The following ROGDI variants were observed in gnomAD, a reference collection of about 807,000 sequenced individuals.
ROGDI encodes protein rogdi homolog.
A neutral mutation model predicts 43.1 loss-of-function variants in ROGDI; 46 were observed. The observed-to-expected ratio is 1.07, with a 90% CI of 0.84 to 1.37. The LOEUF (loss-of-function observed/expected upper bound fraction) is 1.37. Ranked by LOEUF, ROGDI falls within the 40% of genes most tolerant of loss-of-function variation. ROGDI has a pLI of 0.00. For synonymous variants in ROGDI, 243 were observed against 162.0 expected, an observed-to-expected ratio of 1.50 and a Z score of -3.80; for missense variants, 518 against 383.9, an observed-to-expected ratio of 1.35 and a Z score of -2.92.
At chr16:4,801,707 C>T (rs1342149823) in intron 2 of ROGDI, 122 bp from the exon 3 acceptor site, 1 of 926,480 alleles carries the variant, frequency 1.1e-6, no homozygotes, top group Non-Finnish European at 1.7e-6. Flanking sequence ...CCTGGCCTCA[C>T]CTGGGTTCAG....
At chr16:4,801,760 C>T (rs2082725344) in intron 2 of ROGDI, 175 bp from the exon 3 acceptor site, 2 of 622,146 alleles carry the variant, frequency 3.2e-6, no homozygotes, top group Admixed American at 2.6e-5. Flanking sequence ...GGCACCTAAC[C>T]GTGAGCCCGA....
At position 4,801,273 on chromosome 16, in the gene ROGDI, G is replaced by A. The variant is rs769659198; in HGVS notation, c.249C>T (p.Ser83=). ...GVLTLQGDAL[S]QADVNLKMPR... Reference sequence around the variant, plus strand: ...ACAGGGCCGGGGGACTCACCGCCTGGCTGAGGGCATCCCCCTGCAGAGTCA... The same window carrying A: ...ACAGGGCCGGGGGACTCACCGCCTGACTGAGGGCATCCCCCTGCAGAGTCA... Residue 83 remains serine, a synonymous_variant, in exon 4 of 11, where the codon AGC becomes AGT. Coordinates refer to ENST00000322048, the MANE Select transcript of ROGDI (RefSeq NM_024589.3). 4 of 1,606,618 alleles carry A rather than the reference G, an allele frequency of 2.5e-6. No homozygotes were observed. In the Admixed American group the frequency reaches 6.7e-5, roughly 27 times the overall value.
At chr16:4,801,817 CGG>C (rs1046130276) in intron 2 of ROGDI, 2 of 596,430 alleles carry the variant, frequency 3.4e-6, no homozygotes, top group African/African-American at 3.7e-5. Context: ...GTGCCCGCCT[CGG>C]GGAATACAAA....
Position 4,798,626 on chromosome 16 carries a change from G to C in ROGDI, c.474C>G (p.Asn158Lys). 1 of 1,574,624 alleles carries C rather than the reference G, an allele frequency of 6.4e-7. No individual in the cohort carries two copies. ...TGAGGGTGGCGGGGGTGGTGAGCCG[G>C]TTTCGGGCTCTGGTCAGCTGCAGCA... ...AVMLQLTRAR[N>K]RLTTPATLTL... Residue 158 changes from asparagine (N) to lysine (K), a missense_variant, in exon 7 of 11, where the codon AAC becomes AAG. Asn to Lys is a moderately conservative substitution (Grantham distance 94). Transcript: ENST00000322048.
chr16:4,797,616 T>A, intron 10 of ROGDI, 98 bp downstream of exon 10: 1 of 524,048 alleles, frequency 1.9e-6, no homozygotes, highest in Non-Finnish European at 2.6e-6. Context: ...CTCGCAGTGC[T>A]GTGGGGTACA....
chr16:4,797,733 C>T lies in ROGDI; in HGVS notation c.803G>A (p.Cys268Tyr), dbSNP rs2082669134. 1 of 1,360,276 alleles carries T rather than the reference C, an allele frequency of 7.4e-7. No homozygotes were observed. Among genetic ancestry groups the T allele is most frequent in the Non-Finnish European group, 9.6e-7 (1 of 1,040,226 alleles). The allele number at this position is 1,360,276 out of a possible 1,614,324, so 84.3% of individuals were successfully genotyped here. A position where few individuals can be genotyped will look rare whatever the true frequency, so the allele number is the denominator to read the frequency against. The stretch of plus-strand genomic sequence containing the variant: ...GCCCACCTTGTCCTTGAGCTGCTGG[C>T]AGAGCTGCAGGGAGACGGTGAAGTA... Reference protein sequence around the residue: ...LVYFTVSLQLCQQLKDKISVF... With the variant: ...LVYFTVSLQLYQQLKDKISVF... Residue 268 changes from cysteine (C) to tyrosine (Y), a missense_variant, in exon 10 of 11, where the codon TGC (cysteine) becomes TAC (tyrosine). Cys to Tyr is a radical substitution (Grantham distance 194). Transcript: ENST00000322048.
At chr16:4,799,588 C>T (rs1225018009) in intron 6 of ROGDI, 98 bp downstream of exon 6, 4 of 841,100 alleles carry the variant, frequency 4.8e-6, no homozygotes, top group Non-Finnish European at 5.7e-6. Flanking sequence ...TTACAGGTTG[C>T]ACAGCTCAAC....
intron 9 of ROGDI, 27 bp downstream of exon 9, chr16:4,797,911 C>G: frequency 6.3e-7 from 1 of 1,599,942 alleles, no homozygotes. Context: ...GTGGGCGTGC[C>G]TGGACCCCCC....
intron 3 of ROGDI, 44 bp downstream of exon 3, chr16:4,801,459 C>G (rs561843482): frequency 2.3e-5 from 37 of 1,579,398 alleles, no homozygotes; most frequent in African/African-American, 1.7e-4. Flanking sequence ...CCTCCTACCC[C>G]CCAAGGTACC....
chr16:4,798,299 T>C, intron 7 of ROGDI, 115 bp from the exon 8 acceptor site: 1 of 886,356 alleles, frequency 1.1e-6, no homozygotes, highest in East Asian at 2.6e-5. Context: ...ACCCCAGAGA[T>C]GCTCTTCTCA....
rs752895075 is a variant in ROGDI at position 4,797,767 on chromosome 16, C to A, written c.769G>T (p.Ala257Ser). 3.1e-6 allele frequency: 5 copies of A among 1,611,302 alleles called. No individual in the cohort carries two copies. In the African/African-American group the frequency reaches 4.1e-5, roughly 13 times the overall value. Residue 257 changes from alanine to serine, a missense_variant, in exon 10 of 11, where the codon GCC becomes TCC. By Grantham distance (99) the Ala-to-Ser change is moderately conservative. Coordinates refer to ENST00000322048, the MANE Select transcript of ROGDI (RefSeq NM_024589.3). Reference protein sequence around the residue: ...VECVIPWLNDALVYFTVSLQL... With the variant: ...VECVIPWLNDSLVYFTVSLQL... ...AGGGAGACGGTGAAGTAGACCAGGG[C>A]GTCGTTGAGCCAGGGGATCACGCAC...
Position 4,798,195 on chromosome 16 carries a change from C to G in ROGDI, c.532-11G>C. 1 of 1,609,622 alleles carries G rather than the reference C, an allele frequency of 6.2e-7. No homozygotes were observed. Among genetic ancestry groups the G allele is most frequent in the Non-Finnish European group, 8.5e-7 (1 of 1,177,468 alleles). ...AGGGGCGAACATCCGCTGCGGGAGGCAGGTGGGATGAGGCCCTCGCAAGCC... is the reference window on the plus strand; with the variant it reads ...AGGGGCGAACATCCGCTGCGGGAGGGAGGTGGGATGAGGCCCTCGCAAGCC... On this transcript the variant is annotated splice_polypyrimidine_tract_variant and intron_variant, in intron 7 of 10. Transcript: ENST00000322048.
At chr16:4,797,873 C>A in intron 9 of ROGDI, 33 bp from the exon 10 acceptor site, 1 of 1,608,138 alleles carries the variant, frequency 6.2e-7, no homozygotes. Flanking sequence ...TGAGGAGGGT[C>A]CCGGCCCTCC....
Position 4,801,294 on chromosome 16 carries a change from A to G in ROGDI, c.228T>C (p.Thr76=), listed in dbSNP as rs141981654. 5 of 1,609,110 alleles carry G rather than the reference A, an allele frequency of 3.1e-6. No homozygotes were observed. The highest frequency in any genetic ancestry group is 8.5e-7 in the Non-Finnish European group (1 of 1,176,650). The change falls in exon 4 of 11, where the codon ACT becomes ACC. Residue 76 remains threonine (T), a synonymous_variant. Coordinates refer to ENST00000322048, the MANE Select transcript of ROGDI (RefSeq NM_024589.3). ...CCTGGCTGAGGGCATCCCCCTGCAGAGTCAGCACACCCTTCACCTGGTCTG... is the reference window on the plus strand; with the variant it reads ...CCTGGCTGAGGGCATCCCCCTGCAGGGTCAGCACACCCTTCACCTGGTCTG... ...CGTDQVKGVL[T]LQGDALSQAD...
intron 6 of ROGDI, 65 bp from the exon 7 acceptor site, chr16:4,798,732 C>T (rs1372472809): frequency 7.6e-7 from 1 of 1,323,536 alleles, no homozygotes; most frequent in East Asian, 2.5e-5. Context: ...GAACAACAGA[C>T]ATGGTAGCTC....
At chr16:4,802,098 C>A (rs766413533) in intron 2 of ROGDI, 1 of 638,500 alleles carries the variant, frequency 1.6e-6, no homozygotes, top group East Asian at 3.2e-5. Flanking sequence ...CAGAATTCTT[C>A]GGCTCCCAGA....
intron 10 of ROGDI, 97 bp from the exon 11 acceptor site, chr16:4,797,598 A>G (rs1262401965): frequency 3.9e-6 from 2 of 512,642 alleles, no homozygotes; most frequent in Non-Finnish European, 5.3e-6. Flanking sequence ...AGGACAGGGC[A>G]TTGCTGCCTC....
At chr16:4,797,585 G>A in intron 10 of ROGDI, 84 bp from the exon 11 acceptor site, 1 of 576,892 alleles carries the variant, frequency 1.7e-6, no homozygotes, top group Non-Finnish European at 2.3e-6. Flanking sequence ...AGGACAATAT[G>A]TCAGGACAGG....
In ROGDI at chr16:4,797,796, A is replaced by G; in HGVS notation, c.740T>C (p.Val247Ala). Residue 247 changes from valine to alanine, a missense_variant, in exon 10 of 11, where the codon GTG becomes GCG. Coordinates refer to ENST00000322048, the MANE Select transcript of ROGDI (RefSeq NM_024589.3). ...QRLEVSHVHK[V>A]ECVIPWLNDA... is the part of the protein sequence containing the mutation. Reference sequence around the variant, plus strand: ...GTTGAGCCAGGGGATCACGCACTCCACTTTGTGCACGTGGCTCACCTCCAG... The same window carrying G: ...GTTGAGCCAGGGGATCACGCACTCCGCTTTGTGCACGTGGCTCACCTCCAG... 3 of 1,613,368 alleles carry G rather than the reference A, an allele frequency of 1.9e-6. No individual in the cohort carries two copies. Among genetic ancestry groups the G allele is most frequent in the Non-Finnish European group, 2.5e-6 (3 of 1,179,956 alleles).
Sources: gnomAD v4.1 joint callset for allele counts on GRCh38, gnomAD v4.1.1 for gene constraint, MANE v1.5 for transcripts, NCBI Gene and HGNC (gene_info 2026-07-23, HGNC 2026-07-21) for gene names.